Variants in CUX2 observed in about 807,000 individuals in gnomAD.
CUX2 encodes the protein cut like homeobox 2.
Under a neutral mutation model 144.8 loss-of-function variants are expected in CUX2, and 40 were observed. The observed-to-expected ratio is 0.28, with a 90% CI of 0.21 to 0.36. The LOEUF is 0.36. Ranked by LOEUF, CUX2 falls within the 10% of genes least tolerant of loss-of-function variation. The pLI, the probability that CUX2 is intolerant of heterozygous loss-of-function variation, is 1.00. For synonymous variants in CUX2, 827 were observed against 875.6 expected, an observed-to-expected ratio of 0.94 and a Z score of 0.98; for missense variants, 1,615 against 1,994.0, an observed-to-expected ratio of 0.81 and a Z score of 3.62.
chr12:111,282,503 G>A (rs975834036), intron 4 of CUX2, among the ~76,000 whole-genome samples: 2 of 151,676 alleles, frequency 1.3e-5, no homozygotes, highest in Non-Finnish European at 2.9e-5. Context: ...GCCTGCGCCT[G>A]TAGTCCCAGC....
Position 111,057,852 on chromosome 12 carries a change from T to C in CUX2, c.63+23612T>C, listed in dbSNP as rs1266247068. On this transcript the variant is annotated intron_variant, in intron 1 of 21. Coordinates refer to ENST00000261726, the MANE Select transcript of CUX2 (RefSeq NM_015267.4). This position sits in a 1 kb window ranked among gnomAD's most constrained non-coding sequence, Gnocchi z 5.1. ...AGTTCCTGGTGCTTTTGAAATGAAT[T>C]TGATGTCATCTGCCCAGAGTCACTT... Among the ~76,000 whole-genome samples the C allele has an allele frequency of 6.6e-6, 1 of 152,202 alleles. No individual in the cohort carries two copies. Among genetic ancestry groups the C allele is most frequent in the Non-Finnish European group, 1.5e-5 (1 of 68,026 alleles).
At chr12:111,095,827 A>T (rs1044026041) in intron 1 of CUX2, among the ~76,000 whole-genome samples, 3 of 152,210 alleles carry the variant, frequency 2.0e-5, no homozygotes, top group Non-Finnish European at 4.4e-5. Context: ...TCTGCTTCAG[A>T]CATTGTCAAC....
chr12:111,113,803 T>C (rs1280529624), intron 1 of CUX2, among the ~76,000 whole-genome samples: 1 of 152,220 alleles, frequency 6.6e-6, no homozygotes, highest in Non-Finnish European at 1.5e-5. Flanking sequence ...GTGATCCACC[T>C]ACCTCAGCTT....
At chr12:111,283,488 C>CA (rs950099568) in intron 4 of CUX2, among the ~76,000 whole-genome samples, 1 of 152,164 alleles carries the variant, frequency 6.6e-6, no homozygotes, top group Non-Finnish European at 1.5e-5. Context: ...GAGCAGCACT[C>CA]ATTTGGAGTC....
chr12:111,322,052 T>C lies in CUX2; in HGVS notation c.2767-369T>C, dbSNP rs1473911081. On this transcript the variant is annotated intron_variant, in intron 17 of 21. Transcript: ENST00000261726. The surrounding 1 kb of genome is among the most constrained non-coding windows in gnomAD (Gnocchi z 4.2). Reference sequence around the variant, plus strand: ...GGGATGGGAGGCTGGGCATGGTGGCTCACACCTATAATCCCAACACTGTGG... The same window carrying C: ...GGGATGGGAGGCTGGGCATGGTGGCCCACACCTATAATCCCAACACTGTGG... 6.6e-6 allele frequency among the ~76,000 whole-genome samples: 1 copy of C among 151,898 alleles called. No individual in the cohort carries two copies. Among genetic ancestry groups the C allele is most frequent in the Non-Finnish European group, 1.5e-5 (1 of 67,966 alleles).
intron 1 of CUX2, among the ~76,000 whole-genome samples, chr12:111,097,280 A>C (rs1312692757): frequency 6.6e-6 from 1 of 152,194 alleles, no homozygotes; most frequent in East Asian, 1.9e-4. Flanking sequence ...TTCTGGGCTC[A>C]GGTACTCAGA....
chr12:111,348,392 A>C lies in CUX2; in HGVS notation c.*67A>C. 2 of 1,420,786 alleles carry C rather than the reference A, an allele frequency of 1.4e-6. No homozygotes were observed. Among genetic ancestry groups the C allele is most frequent in the Non-Finnish European group, 1.9e-6 (2 of 1,031,722 alleles). The allele number at this position is 1,420,786 out of a possible 1,614,324, so 88.0% of individuals were successfully genotyped here. ...TTCCTTCTCGCACTTACTCTCCTCA[A>C]CAGGATGGGGTAAGGGAGGGAGGAA... On this transcript the variant is annotated 3_prime_UTR_variant, in exon 22 of 22. Coordinates refer to ENST00000261726, the MANE Select transcript of CUX2 (RefSeq NM_015267.4).
chr12:111,139,835 C>T (rs1876177539), intron 1 of CUX2, among the ~76,000 whole-genome samples: 1 of 152,226 alleles, frequency 6.6e-6, no homozygotes, highest in Admixed American at 6.5e-5. Flanking sequence ...CCCACCTTCA[C>T]TCTGCCCGAG....
Position 111,289,870 on chromosome 12 carries a change from C to T in CUX2, c.302-1548C>T, listed in dbSNP as rs1170659080. Reference sequence around the variant, plus strand: ...AGGGAGCAGGAAGGCTGGGAGAGCTCGCGGAGAGGTGGGGCAGCTGCCTGG... The same window carrying T: ...AGGGAGCAGGAAGGCTGGGAGAGCTTGCGGAGAGGTGGGGCAGCTGCCTGG... On this transcript the variant is annotated intron_variant, in intron 4 of 21. Transcript: ENST00000261726. The surrounding 1 kb of genome is among the most constrained non-coding windows in gnomAD (Gnocchi z 4.1). 1.3e-5 allele frequency among the ~76,000 whole-genome samples: 2 copies of T among 151,882 alleles called. No homozygotes were observed. Among genetic ancestry groups the T allele is most frequent in the African/African-American group, 4.8e-5 (2 of 41,324 alleles).
chr12:111,172,515 G>A (rs1045738701), intron 1 of CUX2, among the ~76,000 whole-genome samples: 9 of 152,206 alleles, frequency 5.9e-5, no homozygotes, highest in Non-Finnish European at 1.2e-4. Flanking sequence ...GGCCAACACT[G>A]GCTACCTGTT....
At chr12:111,278,486 C>T (rs1239866941) in intron 4 of CUX2, among the ~76,000 whole-genome samples, 1 of 152,214 alleles carries the variant, frequency 6.6e-6, no homozygotes, top group Non-Finnish European at 1.5e-5. Context: ...AGCCATTATT[C>T]TGCCTGCCAC....
rs1439697240 is a variant in CUX2, at chr12:111,035,748, C to T, written c.63+1508C>T. Among the ~76,000 whole-genome samples the T allele has an allele frequency of 1.3e-5, 2 of 152,126 alleles. No homozygotes were observed. Among genetic ancestry groups the T allele is most frequent in the Non-Finnish European group, 2.9e-5 (2 of 68,038 alleles). ...TCCGAACGCCCCACTCCTCGCTCTC[C>T]CCCTCCCCCAAAGCCATTGAGCTGG... On this transcript the variant is annotated intron_variant, in intron 1 of 21. Transcript: ENST00000261726. The surrounding 1 kb of genome is among the most constrained non-coding windows in gnomAD (Gnocchi z 6.0).
chr12:111,343,716 A>G (rs1332592078), intron 21 of CUX2, among the ~76,000 whole-genome samples: 1 of 152,188 alleles, frequency 6.6e-6, no homozygotes, highest in Non-Finnish European at 1.5e-5. Context: ...CCTATCCCAC[A>G]ATGCTTGATT....
At chr12:111,291,258 C>T (rs1885664911) in intron 4 of CUX2, among the ~76,000 whole-genome samples, 160 bp from the exon 5 acceptor site, 1 of 152,202 alleles carries the variant, frequency 6.6e-6, no homozygotes, top group Admixed American at 6.5e-5. Context: ...AGTGCCTGGA[C>T]AAGCCTGCTC....
Position 111,348,527 on chromosome 12 carries a change from T to C in CUX2, c.*202T>C. The C allele has an allele frequency of 1.7e-6, 1 of 589,894 alleles. No individual in the cohort carries two copies. The highest frequency in any genetic ancestry group is 3.0e-6 in the Non-Finnish European group (1 of 338,724). The allele number at this position is 589,894 out of a possible 1,614,324, so 36.5% of individuals were successfully genotyped here. ...TGGGTCAAATGCCATTGCCTCCACTTTTCTGCACCCCCCTGCTCCTCTTCA... is the reference window on the plus strand; with the variant it reads ...TGGGTCAAATGCCATTGCCTCCACTCTTCTGCACCCCCCTGCTCCTCTTCA... On this transcript the variant is annotated 3_prime_UTR_variant, in exon 22 of 22. Transcript: ENST00000261726.
intron 1 of CUX2, among the ~76,000 whole-genome samples, chr12:111,145,526 G>T (rs1227423061): frequency 6.6e-6 from 1 of 151,882 alleles, no homozygotes; most frequent in Non-Finnish European, 1.5e-5. Flanking sequence ...ACGCCACCAT[G>T]CCCAACTAAT....
In CUX2 at chr12:111,263,934, A is replaced by T. The variant is rs1214108848; in HGVS notation, c.301+95A>T. The T allele has an allele frequency of 9.1e-6, 11 of 1,215,396 alleles. No homozygotes were observed. The highest frequency in any genetic ancestry group is 1.2e-5 in the Non-Finnish European group (10 of 822,684). The allele number at this position is 1,215,396 out of a possible 1,614,324, so 75.3% of individuals were successfully genotyped here. A position where few individuals can be genotyped will look rare whatever the true frequency, so the allele number is the denominator to read the frequency against. On this transcript the variant is annotated intron_variant, in intron 4 of 21. Transcript: ENST00000261726. The surrounding 1 kb of genome is among the most constrained non-coding windows in gnomAD (Gnocchi z 4.0). ...GGACTTTGAGGTGGGATGTGGGGAC[A>T]TGCCTGGGCTCCTGGGTGAGGCCAG...
intron 1 of CUX2, among the ~76,000 whole-genome samples, chr12:111,150,476 G>A (rs914128269): frequency 1.3e-5 from 2 of 152,132 alleles, no homozygotes; most frequent in African/African-American, 2.4e-5. Flanking sequence ...ACGGGGCTCC[G>A]GGAGAAAGCT....
chr12:111,060,792 G>C (rs897300358), intron 1 of CUX2, among the ~76,000 whole-genome samples: 2 of 152,204 alleles, frequency 1.3e-5, no homozygotes, highest in African/African-American at 4.8e-5. Context: ...ACTAGACAAA[G>C]TCCCTTCTCT....
Sources: allele counts gnomAD v4.1 joint callset (sites outside exome capture counted in the v4.1 genomes callset), GRCh38; gene constraint gnomAD v4.1.1; non-coding constraint Gnocchi (gnomAD v3.1); transcripts MANE v1.5; gene names NCBI Gene and HGNC (gene_info 2026-07-23, HGNC 2026-07-21).